GABRG3: variants seen among roughly 807,000 people sequenced by gnomAD.
GABRG3 encodes gamma-aminobutyric acid receptor subunit gamma-3.
Under a neutral mutation model 48.8 loss-of-function variants are expected in GABRG3, and 25 were observed. The ratio of observed to expected loss-of-function variants is 0.51; its 90% CI spans 0.37 to 0.72. GABRG3 has a LOEUF of 0.72. GABRG3 is among the 30% of genes least tolerant of loss of function. The pLI is 0.00. For synonymous variants in GABRG3, 227 were observed against 217.6 expected (o/e 1.04, Z -0.38); for missense variants, 394 against 577.9 (o/e 0.68, Z 3.26).
chr15:27,431,358 T>C (rs1055946592), intron 5 of GABRG3, among the ~76,000 whole-genome samples: 2 of 152,214 alleles, frequency 1.3e-5, no homozygotes, highest in African/African-American at 4.8e-5. Flanking sequence ...AAATACAATT[T>C]ATTTTTGTAT....
intron 3 of GABRG3, among the ~76,000 whole-genome samples, chr15:27,219,397 C>T (rs1158122964): frequency 6.6e-6 from 1 of 152,174 alleles, no homozygotes; most frequent in African/African-American, 2.4e-5. Context: ...GGCAAGATAA[C>T]CTCCATTCCC....
chr15:27,039,516 T>C (rs1374190635), intron 3 of GABRG3, among the ~76,000 whole-genome samples: 2 of 152,146 alleles, frequency 1.3e-5, no homozygotes, highest in Non-Finnish European at 2.9e-5. Context: ...AATCCCTGCA[T>C]TGGGAGGAAG....
chr15:27,218,817 C>G (rs1486898548), intron 3 of GABRG3, among the ~76,000 whole-genome samples: 1 of 152,182 alleles, frequency 6.6e-6, no homozygotes, highest in Non-Finnish European at 1.5e-5. Flanking sequence ...GGCCAGGTCA[C>G]CTTCCAGAGG....
chr15:27,062,434 T>TTAAAAA (rs773271266), intron 3 of GABRG3, among the ~76,000 whole-genome samples: 1 of 32,826 alleles, frequency 3.0e-5, no homozygotes, highest in Non-Finnish European at 8.5e-5. Flanking sequence ...CCATCTCTAC[T>TTAAAAA]AAAAAAAAAA....
intron 3 of GABRG3, among the ~76,000 whole-genome samples, chr15:27,152,625 CTT>C (rs1898337949): frequency 6.6e-6 from 1 of 152,120 alleles, no homozygotes; most frequent in Non-Finnish European, 1.5e-5. Context: ...AACCATCTGT[CTT>C]TCAGTGATTT....
intron 5 of GABRG3, among the ~76,000 whole-genome samples, chr15:27,478,239 A>C (rs1280367891): frequency 6.6e-6 from 1 of 152,190 alleles, no homozygotes; most frequent in African/African-American, 2.4e-5. Flanking sequence ...GAAAGGGAGA[A>C]AATATTTTAA....
chr15:27,392,640 A>C (rs752245099), intron 5 of GABRG3, among the ~76,000 whole-genome samples: 10 of 152,150 alleles, frequency 6.6e-5, no homozygotes, highest in Non-Finnish European at 1.3e-4. Flanking sequence ...TGCCCAACTC[A>C]CACTTTAAGG....
At chr15:27,326,546 T>C (rs566658699) in intron 3 of GABRG3, among the ~76,000 whole-genome samples, 23 of 152,318 alleles carry the variant, frequency 1.5e-4, no homozygotes, top group African/African-American at 5.1e-4. Flanking sequence ...GATTCTACTG[T>C]CTCTCTTAGC....
At chr15:27,497,880 A>G (rs1890525631) in intron 6 of GABRG3, among the ~76,000 whole-genome samples, 1 of 152,102 alleles carries the variant, frequency 6.6e-6, no homozygotes, top group Admixed American at 6.5e-5. Context: ...AAACTTCACC[A>G]TTGTTTCTTC....
chr15:27,416,995 A>G (rs1595740212), intron 5 of GABRG3, among the ~76,000 whole-genome samples: 1 of 152,250 alleles, frequency 6.6e-6, no homozygotes, highest in Non-Finnish European at 1.5e-5. Context: ...TGGCTGTTTA[A>G]TAAAATAAAG....
chr15:27,070,278 T>C (rs904984459), intron 3 of GABRG3, among the ~76,000 whole-genome samples: 2 of 152,222 alleles, frequency 1.3e-5, no homozygotes, highest in African/African-American at 2.4e-5. Flanking sequence ...TTGCTTCCCA[T>C]TGGTAGGATG....
chr15:27,217,737 T>G (rs1390047774), intron 3 of GABRG3, among the ~76,000 whole-genome samples: 1 of 152,178 alleles, frequency 6.6e-6, no homozygotes, highest in Non-Finnish European at 1.5e-5. Context: ...AAGCAAAACA[T>G]TCTACTCTCA....
chr15:27,010,143 T>C (rs1362737370), intron 2 of GABRG3, among the ~76,000 whole-genome samples: 1 of 152,090 alleles, frequency 6.6e-6, no homozygotes, highest in Non-Finnish European at 1.5e-5. Context: ...CGGTGTTGCA[T>C]ACCTAAGCTA....
intron 3 of GABRG3, among the ~76,000 whole-genome samples, chr15:27,060,396 T>A (rs970716582): frequency 6.6e-6 from 1 of 152,208 alleles, no homozygotes; most frequent in Non-Finnish European, 1.5e-5. Flanking sequence ...CAGAAACTGC[T>A]CTGGGAAACT....
At chr15:27,424,470 C>T (rs983252413) in intron 5 of GABRG3, among the ~76,000 whole-genome samples, 48 of 151,938 alleles carry the variant, frequency 3.2e-4, no homozygotes, top group African/African-American at 1.2e-3. Flanking sequence ...GGAGACAGCT[C>T]CCTTGTACCT....
intron 5 of GABRG3, chr15:27,350,037 G>A (rs991462935): frequency 1.1e-5 from 5 of 453,234 alleles, no homozygotes; most frequent in Middle Eastern, 3.2e-4. Flanking sequence ...CCAGGTTAGG[G>A]TTGCAGTTTT....
intron 3 of GABRG3, among the ~76,000 whole-genome samples, chr15:27,028,805 CAAA>C (rs35610809): frequency 0.26 from 26,178 of 102,118 alleles, 2,678 homozygotes; most frequent in African/African-American, 0.33. Context: ...GACTTCATCT[CAAA>C]AAAAAAAAAA....
rs187618485 is a variant in GABRG3 at position 27,274,612 on chromosome 15, G to A, written c.271-52197G>A. ...CCACCTTTCCATACCACCACACTGG[G>A]GATCAAATTTCAACACGAGTTTTGG... On this transcript the variant is annotated intron_variant, in intron 3 of 9. Coordinates refer to ENST00000615808, the MANE Select transcript of GABRG3 (RefSeq NM_033223.5). Among the ~76,000 whole-genome samples, 4 of 152,094 alleles carry A rather than the reference G, an allele frequency of 2.6e-5. No homozygotes were observed. In the East Asian group the frequency reaches 5.8e-4, roughly 22 times the overall value.
chr15:27,046,521 G>C (rs1004544259), intron 3 of GABRG3, among the ~76,000 whole-genome samples: 27 of 152,184 alleles, frequency 1.8e-4, no homozygotes, highest in African/African-American at 5.3e-4. Context: ...ATCACTGTGT[G>C]GTCATTCTCC....
Sources: gnomAD v4.1 joint callset for allele counts (sites outside exome capture counted in the v4.1 genomes callset) on GRCh38, gnomAD v4.1.1 for gene constraint, MANE v1.5 for transcripts, NCBI Gene and HGNC (gene_info 2026-07-23, HGNC 2026-07-21) for gene names.